Variants in SUMO3 observed in about 807,000 individuals in gnomAD.
SUMO3 encodes the protein small ubiquitin like modifier 3.
In SUMO3, 2 loss-of-function variants were observed where a neutral mutation model predicts 11.1. The ratio of observed to expected loss-of-function variants is 0.18; its 90% CI spans 0.07 to 0.57. The LOEUF is 0.57. SUMO3 is among the 20% of genes least tolerant of loss of function. The pLI, the probability that SUMO3 is intolerant of heterozygous loss-of-function variation, is 0.92. For synonymous variants in SUMO3, 56 were observed against 53.5 expected (o/e 1.05, Z -0.20); for missense variants, 70 against 132.8 (o/e 0.53, Z 2.32).
At chr21:44,809,008 CG>C in intron 3 of SUMO3, 38 bp downstream of exon 3, 1 of 1,582,856 alleles carries the variant, frequency 6.3e-7, no homozygotes, top group Non-Finnish European at 8.7e-7. Flanking sequence ...CCGCACAAAT[CG>C]GAAGTCGCCC....
rs1315194108 is a variant in SUMO3 at position 44,810,347 on chromosome 21, A to T, written c.151-1229T>A. 2.0e-5 allele frequency among the ~76,000 whole-genome samples: 3 copies of T among 152,122 alleles called. No homozygotes were observed. Among genetic ancestry groups the T allele is most frequent in the African/African-American group, 7.2e-5 (3 of 41,426 alleles). On this transcript the variant is annotated intron_variant, in intron 2 of 3. Transcript: ENST00000332859. This position sits in a 1 kb window ranked among gnomAD's most constrained non-coding sequence, Gnocchi z 4.1. ...ACACTGGTGGTCTGATGGACACTGG[A>T]CCAGGATCCTAGGGCGGAGGGACTG...
Position 44,811,349 on chromosome 21 carries a change from G to A in SUMO3, c.151-2231C>T, listed in dbSNP as rs775590911. Among the ~76,000 whole-genome samples, 4 of 152,168 alleles carry A rather than the reference G, an allele frequency of 2.6e-5. No homozygotes were observed. Among genetic ancestry groups the A allele is most frequent in the Admixed American group, 2.6e-4 (4 of 15,276 alleles). ...AGCACTTTGGGAGACCGAGGCAGAA[G>A]GATCACTTAAGCCCAGGAATTCCAG... On this transcript the variant is annotated intron_variant, in intron 2 of 3. Transcript: ENST00000332859. The surrounding 1 kb of genome is among the most constrained non-coding windows in gnomAD (Gnocchi z 5.0).
At chr21:44,809,179 G>A (rs2083195841) in intron 2 of SUMO3, 61 bp from the exon 3 acceptor site, 36 of 1,524,348 alleles carry the variant, frequency 2.4e-5, no homozygotes, top group Non-Finnish European at 3.2e-5. Flanking sequence ...GAAAAGCAGT[G>A]GCCATTAGTC....
At position 44,817,481 on chromosome 21, in the gene SUMO3, G is replaced by T. The variant is rs866410790; in HGVS notation, c.21+467C>A. On this transcript the variant is annotated intron_variant, in intron 1 of 3. Coordinates refer to ENST00000332859, the MANE Select transcript of SUMO3 (RefSeq NM_006936.3). ...GGGGTAACCCCAGACGCTTGTTCCC[G>T]AGCCGACTCCGTGCACTCGACACAG... Among the ~76,000 whole-genome samples, 5 of 152,110 alleles carry T rather than the reference G, an allele frequency of 3.3e-5. No individual in the cohort carries two copies. In the South Asian group the frequency reaches 1.0e-3, roughly 32 times the overall value.
In SUMO3 at chr21:44,806,575, G is replaced by C. The variant is rs1348860702; in HGVS notation, c.*376C>G. 4.3e-6 allele frequency: 1 copy of C among 233,380 alleles called. No homozygotes were observed. The highest frequency in any genetic ancestry group is 8.6e-6 in the Non-Finnish European group (1 of 116,092). The allele number at this position is 233,380 out of a possible 1,614,324, so 14.5% of individuals were successfully genotyped here. On this transcript the variant is annotated 3_prime_UTR_variant, in exon 4 of 4. Transcript: ENST00000332859. ...AACACCAATTCTCTATGTGACTGGA[G>C]TGAGCAGGGGAGAGGCAACCAACTC... is the stretch of plus-strand genomic sequence containing the variant.
At position 44,806,562 on chromosome 21, in the gene SUMO3, CTATGTGA is replaced by C. The variant is rs1462736217; in HGVS notation, c.*382_*388del. 1 of 206,456 alleles carries C rather than the reference CTATGTGA, an allele frequency of 4.8e-6. No homozygotes were observed. The highest frequency in any genetic ancestry group is 1.0e-5 in the Non-Finnish European group (1 of 100,056). The allele number at this position is 206,456 out of a possible 1,614,324, so 12.8% of individuals were successfully genotyped here. On this transcript the variant is annotated 3_prime_UTR_variant, in exon 4 of 4. Transcript: ENST00000332859. ...CCCCACTGCGGGAAACACCAATTCT[CTATGTGA>C]CTGGAGTGAGCAGGGGAGAGGCAAC...
At position 44,810,313 on chromosome 21, in the gene SUMO3, G is replaced by A. The variant is rs1301554123; in HGVS notation, c.151-1195C>T. Among the ~76,000 whole-genome samples, 2 of 152,220 alleles carry A rather than the reference G, an allele frequency of 1.3e-5. No homozygotes were observed. Among genetic ancestry groups the A allele is most frequent in the Non-Finnish European group, 2.9e-5 (2 of 68,034 alleles). ...ATGCTGGGCTGAGCCAGAGGCTACT[G>A]AGGCGTGGACACTGGTGGTCTGATG... On this transcript the variant is annotated intron_variant, in intron 2 of 3. Transcript: ENST00000332859. This position sits in a 1 kb window ranked among gnomAD's most constrained non-coding sequence, Gnocchi z 4.1.
rs1417795148 is a variant in SUMO3 at position 44,810,844 on chromosome 21, G to A, written c.151-1726C>T. On this transcript the variant is annotated intron_variant, in intron 2 of 3. Transcript: ENST00000332859. This position sits in a 1 kb window ranked among gnomAD's most constrained non-coding sequence, Gnocchi z 4.1. Reference sequence around the variant, plus strand: ...GCTCACTGTGCAGCAGCCTAGAGAGGAGGGGAGGAGCGCAGAGGAGAACGG... The same window carrying A: ...GCTCACTGTGCAGCAGCCTAGAGAGAAGGGGAGGAGCGCAGAGGAGAACGG... Among the ~76,000 whole-genome samples the A allele has an allele frequency of 1.3e-5, 2 of 149,918 alleles. No individual in the cohort carries two copies. The highest frequency in any genetic ancestry group is 1.9e-4 in the East Asian group (1 of 5,178).
chr21:44,814,227 T>C (rs1284194667), intron 1 of SUMO3, 123 bp from the exon 2 acceptor site: 5 of 1,317,212 alleles, frequency 3.8e-6, no homozygotes, highest in Non-Finnish European at 5.2e-6. Context: ...ATTCTTAAAA[T>C]TCTCCAGCAA....
Position 44,817,981 on chromosome 21 carries a change from G to C in SUMO3, c.-13C>G. The C allele has an allele frequency of 1.7e-6, 2 of 1,180,196 alleles. No homozygotes were observed. Among genetic ancestry groups the C allele is most frequent in the Non-Finnish European group, 2.1e-6 (2 of 954,416 alleles). 73.1% of individuals were successfully genotyped at this position (1,180,196 alleles called of 1,614,324 possible). A position where few individuals can be genotyped will look rare whatever the true frequency, so the allele number is the denominator to read the frequency against. On this transcript the variant is annotated 5_prime_UTR_variant, in exon 1 of 4. Coordinates refer to ENST00000332859, the MANE Select transcript of SUMO3 (RefSeq NM_006936.3). ...TCTCCTCGGACATGGCTGCGCGAGC[G>C]GCGCGGGGAGGCGGCGCGGGGGAAG...
At chr21:44,812,185 T>G (rs2083216389) in intron 2 of SUMO3, among the ~76,000 whole-genome samples, 1 of 149,910 alleles carries the variant, frequency 6.7e-6, no homozygotes, top group Admixed American at 6.8e-5. Context: ...GCCTCCTGAG[T>G]AGCTGGGACT....
rs775935007 is a variant in SUMO3 at position 44,807,026 on chromosome 21, G to C, written c.237C>G (p.Asp79Glu). 2 of 1,613,906 alleles carry C rather than the reference G, an allele frequency of 1.2e-6. No individual in the cohort carries two copies. Among genetic ancestry groups the C allele is most frequent in the South Asian group, 1.1e-5 (1 of 91,084 alleles). The change falls in exon 4 of 4, where the codon GAC (aspartate) becomes GAG (glutamate). Residue 79 changes from aspartate to glutamate, a missense_variant. Physicochemically the swap from Asp to Glu is conservative, Grantham distance 45 (BLOSUM62 2). Transcript: ENST00000332859. The surrounding 1 kb of genome is among the most constrained non-coding windows in gnomAD (Gnocchi z 4.3). ...TDTPAQLEME[D>E]EDTIDVFQQQ... is the part of the protein sequence containing the mutation. Reference sequence around the variant, plus strand: ...GCTGGAACACGTCGATGGTGTCCTCGTCCTCCATCTCCAGCTGTCATGGTT... The same window carrying C: ...GCTGGAACACGTCGATGGTGTCCTCCTCCTCCATCTCCAGCTGTCATGGTT...
At chr21:44,808,445 A>G (rs925336163) in intron 3 of SUMO3, 157 of 1,358,706 alleles carry the variant, frequency 1.2e-4, no homozygotes, top group Non-Finnish European at 1.5e-4. Flanking sequence ...CTCAGGAGGC[A>G]GAGCTTGCAC....
rs1365703137 is a variant in SUMO3, at chr21:44,811,893, G to A, written c.150+2083C>T. Among the ~76,000 whole-genome samples, 1 of 151,914 alleles carries A rather than the reference G, an allele frequency of 6.6e-6. No homozygotes were observed. On this transcript the variant is annotated intron_variant, in intron 2 of 3. Transcript: ENST00000332859. This position sits in a 1 kb window ranked among gnomAD's most constrained non-coding sequence, Gnocchi z 5.0. ...GCATATTTCCTGAATAAAAATAAAC[G>A]TCCAGACCCATAAAGTGCCCAGCAG...
intron 1 of SUMO3, among the ~76,000 whole-genome samples, chr21:44,817,655 A>C (rs1465230233): frequency 6.7e-6 from 1 of 149,776 alleles, no homozygotes; most frequent in Non-Finnish European, 1.5e-5. Context: ...GGGGCCCGAC[A>C]CCGGGCGCTC....
At chr21:44,812,824 C>G (rs1221606115) in intron 2 of SUMO3, among the ~76,000 whole-genome samples, 1 of 152,206 alleles carries the variant, frequency 6.6e-6, no homozygotes, top group East Asian at 1.9e-4. Flanking sequence ...AACATGGGCA[C>G]CCGGGAAGTC....
intron 1 of SUMO3, among the ~76,000 whole-genome samples, chr21:44,816,971 G>T (rs1415374859): frequency 7.8e-6 from 1 of 127,474 alleles, no homozygotes. Flanking sequence ...GGGGTGTGAT[G>T]GAAAGGGGGA....
At chr21:44,816,668 C>T (rs2083245289) in intron 1 of SUMO3, among the ~76,000 whole-genome samples, 1 of 152,098 alleles carries the variant, frequency 6.6e-6, no homozygotes, top group Admixed American at 6.5e-5. Context: ...CTGGAGAATG[C>T]GACTACAGAC....
intron 1 of SUMO3, among the ~76,000 whole-genome samples, chr21:44,814,326 C>T (rs2838698): frequency 0.27 from 40,854 of 152,072 alleles, 8,120 homozygotes; most frequent in East Asian, 0.58. Flanking sequence ...ACAATGCAAG[C>T]CTAGGGTCCT....
Sources: gnomAD v4.1 joint callset for allele counts (sites outside exome capture counted in the v4.1 genomes callset) on GRCh38, gnomAD v4.1.1 for gene constraint, Gnocchi (gnomAD v3.1) non-coding constraint, MANE v1.5 for transcripts, NCBI Gene and HGNC (gene_info 2026-07-23, HGNC 2026-07-21) for gene names.